Variants in KCNIP4 observed in about 807,000 individuals in gnomAD.
KCNIP4 encodes Kv channel-interacting protein 4.
Under a neutral mutation model 34.0 loss-of-function variants are expected in KCNIP4, and 12 were observed. The ratio of observed to expected loss-of-function variants is 0.35; its 90% CI spans 0.23 to 0.57. The LOEUF is 0.57. KCNIP4 is among the 20% of genes least tolerant of loss of function. The probability of loss-of-function intolerance (pLI) is 0.83; values close to 1 mark genes in which losing one functional copy is unlikely to be tolerated. For synonymous variants in KCNIP4, 124 were observed against 102.2 expected, an observed-to-expected ratio of 1.21 and a Z score of -1.29; for missense variants, 238 against 311.7, an observed-to-expected ratio of 0.76 and a Z score of 1.78.
At chr4:21,370,935 G>C (rs1273790835) in intron 1 of KCNIP4, among the ~76,000 whole-genome samples, 1 of 125,690 alleles carries the variant, frequency 8.0e-6, no homozygotes, top group African/African-American at 3.7e-5. Flanking sequence ...AACTAGCAAT[G>C]CAAGAGAGGA....
intron 1 of KCNIP4, among the ~76,000 whole-genome samples, chr4:21,536,941 AT>A (rs1285424092): frequency 1.3e-5 from 2 of 152,186 alleles, no homozygotes; most frequent in Non-Finnish European, 2.9e-5. Context: ...TCTATATTTT[AT>A]TCTATTACAC....
chr4:21,300,583 TC>T (rs1711558219), intron 1 of KCNIP4, among the ~76,000 whole-genome samples: 1 of 85,110 alleles, frequency 1.2e-5, no homozygotes, highest in Admixed American at 1.3e-4. Context: ...TTATTGAAAC[TC>T]TTAAGTTTCG....
At chr4:21,033,313 G>C (rs1741169690) in intron 1 of KCNIP4, among the ~76,000 whole-genome samples, 1 of 152,084 alleles carries the variant, frequency 6.6e-6, no homozygotes. Context: ...TTTGATAGAA[G>C]AGTAGAAAAT....
At chr4:21,753,772 A>C (rs1387214403) in intron 1 of KCNIP4, among the ~76,000 whole-genome samples, 1 of 152,188 alleles carries the variant, frequency 6.6e-6, no homozygotes, top group Non-Finnish European at 1.5e-5. Context: ...TTGAAGCATC[A>C]TGCCTTTTGT....
chr4:21,759,991 G>T (rs1049980617), intron 1 of KCNIP4, among the ~76,000 whole-genome samples: 2 of 151,894 alleles, frequency 1.3e-5, no homozygotes, highest in Non-Finnish European at 2.9e-5. Flanking sequence ...ATAGCTAACT[G>T]ATAAAGAAAG....
In KCNIP4 at chr4:20,937,811, A is replaced by G. The variant is rs116265615; in HGVS notation, c.62-55102T>C. 3.2e-3 allele frequency among the ~76,000 whole-genome samples: 489 copies of G among 152,314 alleles called. 4 individuals are homozygous for G. The highest frequency in any genetic ancestry group is 0.011 in the African/African-American group (474 of 41,564). Reference sequence around the variant, plus strand: ...TTACAGCCCAGCTATAAGTCTGTCCAGGGCATTTCAGAAATAAGTAATTAG... The same window carrying G: ...TTACAGCCCAGCTATAAGTCTGTCCGGGGCATTTCAGAAATAAGTAATTAG... On this transcript the variant is annotated intron_variant, in intron 1 of 8. Coordinates refer to ENST00000382152, the MANE Select transcript of KCNIP4 (RefSeq NM_025221.6).
At chr4:21,401,928 A>G (rs192348813) in intron 1 of KCNIP4, among the ~76,000 whole-genome samples, 16 of 152,320 alleles carry the variant, frequency 1.1e-4, no homozygotes, top group Non-Finnish European at 1.8e-4. Context: ...TGATGTTTTA[A>G]TAGTGAAAGA....
At chr4:21,681,258 G>A (rs1489730272) in intron 1 of KCNIP4, among the ~76,000 whole-genome samples, 1 of 151,262 alleles carries the variant, frequency 6.6e-6, no homozygotes, top group Non-Finnish European at 1.5e-5. Flanking sequence ...GCACCACCAT[G>A]CCAGGCTAAT....
At chr4:20,834,777 C>T (rs569062381) in intron 3 of KCNIP4, among the ~76,000 whole-genome samples, 81 of 152,274 alleles carry the variant, frequency 5.3e-4, no homozygotes, top group Middle Eastern at 6.8e-3. Flanking sequence ...TCCTCTGCTT[C>T]TCTGCAGGTG....
In KCNIP4 at chr4:21,219,397, G is replaced by A. The variant is rs535327572; in HGVS notation, c.62-336688C>T. ...TGGGTGTGTGTGTTTGCCAAATAAT[G>A]GGTGGAATTATTGGGTCTGATATTT... On this transcript the variant is annotated intron_variant, in intron 1 of 8. Coordinates refer to ENST00000382152, the MANE Select transcript of KCNIP4 (RefSeq NM_025221.6). Among the ~76,000 whole-genome samples the A allele has an allele frequency of 5.9e-5, 9 of 152,246 alleles. No individual in the cohort carries two copies. The South Asian group carries it at 1.5e-3, about 25-fold the overall frequency.
intron 3 of KCNIP4, among the ~76,000 whole-genome samples, chr4:20,787,473 T>A (rs1712161090): frequency 6.6e-6 from 1 of 152,138 alleles, no homozygotes; most frequent in Non-Finnish European, 1.5e-5. Flanking sequence ...TTTTTTCTCC[T>A]CCTCTTCTCA....
In KCNIP4 at chr4:21,582,079, AATG is replaced by A. The variant is rs1426492299; in HGVS notation, c.61+366489_61+366491del. The A allele has an allele frequency of 4.0e-4, 60 of 149,308 alleles. 1 individual carries two copies. The highest frequency in any genetic ancestry group is 2.9e-3 in the East Asian group (15 of 5,102). The allele number at this position is 149,308 out of a possible 1,614,324, so 9.2% of individuals were successfully genotyped here. ...AATGGAATGGAATGGAATGGAATGG[AATG>A]GAATGGGATGGGATATTGTCAGAGA... On this transcript the variant is annotated intron_variant, in intron 1 of 8. Coordinates refer to ENST00000382152, the MANE Select transcript of KCNIP4 (RefSeq NM_025221.6).
intron 1 of KCNIP4, among the ~76,000 whole-genome samples, chr4:21,931,001 A>G (rs1729531405): frequency 6.6e-6 from 1 of 152,138 alleles, no homozygotes; most frequent in Non-Finnish European, 1.5e-5. Flanking sequence ...CTCTAAACTC[A>G]TGGAGTCTCA....
chr4:20,773,795 A>G (rs1560455161), intron 3 of KCNIP4, among the ~76,000 whole-genome samples: 1 of 152,128 alleles, frequency 6.6e-6, no homozygotes, highest in Middle Eastern at 3.4e-3. Flanking sequence ...GGGCCCAGAG[A>G]CTCTGATCTC....
Position 20,731,995 on chromosome 4 carries a change from T to A in KCNIP4, c.705+11A>T. 2 of 1,613,146 alleles carry A rather than the reference T, an allele frequency of 1.2e-6. No individual in the cohort carries two copies. Among genetic ancestry groups the A allele is most frequent in the Non-Finnish European group, 1.7e-6 (2 of 1,179,682 alleles). On this transcript the variant is annotated intron_variant, in intron 8 of 8. Coordinates refer to ENST00000382152, the MANE Select transcript of KCNIP4 (RefSeq NM_025221.6). ...AGCTGAATTGATAGTTATTACACTT[T>A]CATTACTTACTTTTTGGCAGCTTTC...
chr4:20,752,289 C>T (rs1025915022), intron 4 of KCNIP4, among the ~76,000 whole-genome samples: 2 of 152,042 alleles, frequency 1.3e-5, no homozygotes, highest in Non-Finnish European at 2.9e-5. Context: ...GAACTCCTGA[C>T]AGCAGGTGAT....
rs952022668 is a variant in KCNIP4 at position 21,230,504 on chromosome 4, A to G, written c.62-347795T>C. ...TTATCCTAATGCTCTGCCTCTCCCT[A>G]ATCCCCTGACAGGAGAGTCAGGGGA... On this transcript the variant is annotated intron_variant, in intron 1 of 8. Coordinates refer to ENST00000382152, the MANE Select transcript of KCNIP4 (RefSeq NM_025221.6). 2.0e-5 allele frequency among the ~76,000 whole-genome samples: 3 copies of G among 151,992 alleles called. No homozygotes were observed. The East Asian group carries it at 5.8e-4, about 29-fold the overall frequency.
intron 1 of KCNIP4, among the ~76,000 whole-genome samples, chr4:21,771,572 T>C (rs1390564967): frequency 6.6e-6 from 1 of 152,202 alleles, no homozygotes; most frequent in Non-Finnish European, 1.5e-5. Flanking sequence ...TTCCTATCCA[T>C]GAGGATGGAA....
chr4:21,166,598 A>G (rs568854216), intron 1 of KCNIP4, among the ~76,000 whole-genome samples: 71 of 152,326 alleles, frequency 4.7e-4, no homozygotes, highest in Non-Finnish European at 7.8e-4. Context: ...TCATAACAGC[A>G]TTATTCATAA....
Sources: allele counts gnomAD v4.1 joint callset (sites outside exome capture counted in the v4.1 genomes callset), GRCh38; gene constraint gnomAD v4.1.1; transcripts MANE v1.5; gene names NCBI Gene and HGNC (gene_info 2026-07-23, HGNC 2026-07-21).